Variants in GPHN observed in about 807,000 individuals in gnomAD.
GPHN encodes the protein gephyrin.
Under a neutral mutation model 95.5 loss-of-function variants are expected in GPHN, and 17 were observed. That is an observed-to-expected ratio of 0.18 (90% CI 0.12 to 0.27). GPHN has a LOEUF of 0.27. GPHN is among the 10% of genes least tolerant of loss of function. The pLI, the probability that GPHN is intolerant of heterozygous loss-of-function variation, is 1.00. For missense variants in GPHN, 660 were observed against 978.1 expected, an observed-to-expected ratio of 0.67 and a Z score of 4.34; for synonymous variants, 320 against 322.5, an observed-to-expected ratio of 0.99 and a Z score of 0.08.
chr14:66,734,215 C>T (rs901672148), intron 2 of GPHN, among the ~76,000 whole-genome samples: 25 of 152,112 alleles, frequency 1.6e-4, no homozygotes, highest in Non-Finnish European at 2.2e-4. Flanking sequence ...CTATAACATT[C>T]AGAATGAAGT....
chr14:66,764,975 A>T (rs1208858759), intron 2 of GPHN, among the ~76,000 whole-genome samples: 1 of 152,198 alleles, frequency 6.6e-6, no homozygotes, highest in Non-Finnish European at 1.5e-5. Context: ...AAATGATTTA[A>T]AAATACTATC....
the GPHN span, chr14:67,578,272 G>A: frequency 5.1e-6 from 7 of 1,379,252 alleles, no homozygotes; most frequent in African/African-American, 9.9e-5. This position sits in a 1 kb window ranked among gnomAD's most constrained non-coding sequence, Gnocchi z 5.0. Context: ...GGTGGGAGGA[G>A]GTGACTGGGC....
intron 2 of GPHN, among the ~76,000 whole-genome samples, chr14:66,772,786 G>A (rs2059228944): frequency 6.6e-6 from 1 of 152,078 alleles, no homozygotes; most frequent in African/African-American, 2.4e-5. Context: ...GATATAGTGT[G>A]AAAATGAAAA....
At chr14:66,744,685 T>C (rs2058071954) in intron 2 of GPHN, among the ~76,000 whole-genome samples, 1 of 152,184 alleles carries the variant, frequency 6.6e-6, no homozygotes, top group African/African-American at 2.4e-5. Flanking sequence ...AGATTAGGAA[T>C]TGTGGTTGAC....
At chr14:66,554,881 G>C (rs909669388) in intron 1 of GPHN, among the ~76,000 whole-genome samples, 14 of 152,170 alleles carry the variant, frequency 9.2e-5, no homozygotes, top group Non-Finnish European at 1.3e-4. Flanking sequence ...GTTAGGCCAA[G>C]AATGTTACAT....
chr14:66,693,679 A>T (rs929225026), intron 2 of GPHN, among the ~76,000 whole-genome samples: 6 of 152,174 alleles, frequency 3.9e-5, no homozygotes, highest in Admixed American at 3.9e-4. Flanking sequence ...TACTCAGCCT[A>T]TGGACTCACT....
At chr14:67,680,125 A>G in the GPHN span, among the ~76,000 whole-genome samples, 1 of 152,182 alleles carries the variant, frequency 6.6e-6, no homozygotes, top group Non-Finnish European at 1.5e-5. Flanking sequence ...CCAGGAATCT[A>G]TTTTCAACTA....
chr14:66,772,494 A>G (rs775839724), intron 2 of GPHN, among the ~76,000 whole-genome samples: 7 of 152,230 alleles, frequency 4.6e-5, no homozygotes, highest in South Asian at 2.1e-4. Context: ...GTTGAGCCCA[A>G]TATAATCACA....
At chr14:67,249,568 G>A in the GPHN span, among the ~76,000 whole-genome samples, 3 of 152,168 alleles carry the variant, frequency 2.0e-5, no homozygotes, top group Non-Finnish European at 4.4e-5. Context: ...AGGAGAGTCA[G>A]GTTTTTACAG....
chr14:66,609,477 C>A (rs968756095), intron 1 of GPHN, among the ~76,000 whole-genome samples: 3 of 152,048 alleles, frequency 2.0e-5, no homozygotes, highest in Non-Finnish European at 2.9e-5. Flanking sequence ...CTTGAATTTG[C>A]ATGTTGATAT....
At chr14:67,109,350 CCCCTGACAAGTGA>C (rs1002772493) in intron 13 of GPHN, among the ~76,000 whole-genome samples, 14 of 152,108 alleles carry the variant, frequency 9.2e-5, no homozygotes, top group Non-Finnish European at 1.9e-4. Flanking sequence ...TAAATCATTG[CCCCTGACAAGTGA>C]CTTTCAGATC....
At chr14:67,695,878 A>G in the GPHN span, 7 of 605,464 alleles carry the variant, frequency 1.2e-5, no homozygotes, top group Non-Finnish European at 2.1e-5. Flanking sequence ...CGCTGCCGCC[A>G]ACGCTGGCAG....
chr14:66,694,281 G>C (rs143057549), intron 2 of GPHN, among the ~76,000 whole-genome samples: 1 of 152,230 alleles, frequency 6.6e-6, no homozygotes, highest in Non-Finnish European at 1.5e-5. Flanking sequence ...CAATCAGGAA[G>C]TAGGCCTTCA....
At chr14:67,147,432 C>T (rs1267234382) in intron 18 of GPHN, among the ~76,000 whole-genome samples, 9 of 152,166 alleles carry the variant, frequency 5.9e-5, no homozygotes, top group Non-Finnish European at 1.3e-4. Context: ...GCTTCCATAA[C>T]CAATAATATC....
At chr14:67,070,984 C>T (rs989451130) in intron 11 of GPHN, among the ~76,000 whole-genome samples, 1 of 152,010 alleles carries the variant, frequency 6.6e-6, no homozygotes, top group Non-Finnish European at 1.5e-5. Flanking sequence ...CAGGAAACAA[C>T]AGGTGCTGGA....
the GPHN span, among the ~76,000 whole-genome samples, chr14:67,431,846 G>A: frequency 5.3e-5 from 8 of 152,226 alleles, no homozygotes; most frequent in Admixed American, 5.2e-4. Context: ...CCATACTCTA[G>A]ATGTCATCTT....
intron 4 of GPHN, among the ~76,000 whole-genome samples, chr14:66,834,494 C>T (rs1370929920): frequency 1.3e-5 from 2 of 152,078 alleles, no homozygotes; most frequent in Non-Finnish European, 2.9e-5. Flanking sequence ...AAGGCCTTTT[C>T]TGCATGTATT....
chr14:67,187,804 C>T, the GPHN span, among the ~76,000 whole-genome samples: 7 of 152,264 alleles, frequency 4.6e-5, no homozygotes, highest in East Asian at 1.2e-3. Flanking sequence ...TGGATATTAG[C>T]TCCTCCATGA....
the GPHN span, among the ~76,000 whole-genome samples, chr14:67,207,286 C>A: frequency 6.6e-6 from 1 of 152,026 alleles, no homozygotes; most frequent in Non-Finnish European, 1.5e-5. Context: ...AGGGAACTTA[C>A]AATCGTGTGG....
Sources: allele counts gnomAD v4.1 joint callset (sites outside exome capture counted in the v4.1 genomes callset), GRCh38; gene constraint gnomAD v4.1.1; non-coding constraint Gnocchi (gnomAD v3.1); transcripts MANE v1.5; gene names NCBI Gene and HGNC (gene_info 2026-07-23, HGNC 2026-07-21).